NRXN1: variants seen among roughly 807,000 people sequenced by gnomAD.
NRXN1 encodes the protein neurexin 1, also known as neurexin-1.
A neutral mutation model predicts 150.9 loss-of-function variants in NRXN1; 39 were observed. The ratio of observed to expected loss-of-function variants is 0.26; its 90% CI spans 0.20 to 0.34. The LOEUF (loss-of-function observed/expected upper bound fraction) is 0.34, where lower values mean the gene tolerates loss of function less well. Ranked by LOEUF, NRXN1 falls within the 10% of genes least tolerant of loss-of-function variation. The probability of loss-of-function intolerance (pLI) is 1.00; values close to 1 mark genes in which losing one functional copy is unlikely to be tolerated. For synonymous variants in NRXN1, 924 were observed against 757.0 expected, an observed-to-expected ratio of 1.22 and a Z score of -3.62; for missense variants, 1,815 against 1,949.9, an observed-to-expected ratio of 0.93 and a Z score of 1.30.
intron 18 of NRXN1, among the ~76,000 whole-genome samples, chr2:50,102,602 T>C (rs1384765491): frequency 6.6e-6 from 1 of 152,064 alleles, no homozygotes; most frequent in Non-Finnish European, 1.5e-5. Flanking sequence ...CATTAAAACT[T>C]ACTGTAGCAT....
intron 2 of NRXN1, among the ~76,000 whole-genome samples, chr2:50,987,747 C>G (rs1199264963): frequency 2.6e-5 from 4 of 151,844 alleles, no homozygotes; most frequent in Admixed American, 2.0e-4. Flanking sequence ...GTCCATGAAT[C>G]AATAATAACT....
intron 15 of NRXN1, among the ~76,000 whole-genome samples, chr2:50,488,263 C>A (rs2091016978): frequency 6.6e-6 from 1 of 152,202 alleles, no homozygotes; most frequent in East Asian, 1.9e-4. Context: ...GTGACTCTGT[C>A]TCTTATTCCC....
chr2:50,008,899 G>A (rs1031697606), intron 21 of NRXN1, among the ~76,000 whole-genome samples: 2 of 152,092 alleles, frequency 1.3e-5, no homozygotes, highest in Non-Finnish European at 2.9e-5. Context: ...GTTTGGTTGT[G>A]AGAGGGTGTT....
intron 22 of NRXN1, among the ~76,000 whole-genome samples, chr2:49,942,435 G>C (rs768065123): frequency 6.6e-6 from 1 of 151,928 alleles, no homozygotes. Flanking sequence ...TCTAAAGAGC[G>C]GATTTACTCT....
In NRXN1 at chr2:50,546,607, C is replaced by T. The variant is rs193029094; in HGVS notation, c.1759+5980G>A. Reference sequence around the variant, plus strand: ...TTAACAAAAACTGAAGGAAAATGTACAAATATAAAAAATACTTTGAGTGTG... The same window carrying T: ...TTAACAAAAACTGAAGGAAAATGTATAAATATAAAAAATACTTTGAGTGTG... On this transcript the variant is annotated intron_variant, in intron 9 of 22. Transcript: ENST00000401669. Among the ~76,000 whole-genome samples the T allele has an allele frequency of 2.6e-5, 4 of 152,042 alleles. No individual in the cohort carries two copies. The East Asian group carries it at 7.7e-4, about 29-fold the overall frequency.
At chr2:50,018,632 G>T (rs977109568) in intron 21 of NRXN1, among the ~76,000 whole-genome samples, 3 of 152,128 alleles carry the variant, frequency 2.0e-5, no homozygotes, top group African/African-American at 7.2e-5. Flanking sequence ...ATGATACCTT[G>T]TTCTAAAATT....
Position 50,497,620 on chromosome 2 carries a change from G to A in NRXN1, c.2592C>T (p.Asn864=). 2 of 1,613,922 alleles carry A rather than the reference G, an allele frequency of 1.2e-6. No individual in the cohort carries two copies. The highest frequency in any genetic ancestry group is 1.7e-6 in the Non-Finnish European group (2 of 1,179,850). ...TCAAGCTCTGCAGGTGTCCAATGAA[G>A]TTGGAGGGGACAGAAGAAAGATACC... ...ERRYLSSVPS[N]FIGHLQSLTF... is the part of the protein sequence containing the mutation. Residue 864 remains asparagine (N), a synonymous_variant, in exon 14 of 23, where the codon AAC becomes AAT. Coordinates refer to ENST00000401669, the MANE Select transcript of NRXN1 (RefSeq NM_001330078.2).
chr2:50,941,246 C>T (rs978931507), intron 2 of NRXN1, among the ~76,000 whole-genome samples: 7 of 152,096 alleles, frequency 4.6e-5, no homozygotes, highest in Non-Finnish European at 4.4e-5. Flanking sequence ...TACCGAGTCT[C>T]GGGTAGTTCT....
chr2:50,228,165 CATT>C (rs962220233), intron 18 of NRXN1, among the ~76,000 whole-genome samples: 1 of 151,902 alleles, frequency 6.6e-6, no homozygotes, highest in East Asian at 1.9e-4. Context: ...TAATAGAAAA[CATT>C]AATAATTTAT....
chr2:50,829,280 G>A (rs1671044452), intron 5 of NRXN1, among the ~76,000 whole-genome samples: 2 of 151,770 alleles, frequency 1.3e-5, no homozygotes, highest in African/African-American at 4.8e-5. Context: ...AGAGGGAGAG[G>A]GAGAGGGAGA....
chr2:50,718,373 C>G (rs1369691045), intron 5 of NRXN1, among the ~76,000 whole-genome samples: 2 of 152,054 alleles, frequency 1.3e-5, no homozygotes, highest in Non-Finnish European at 2.9e-5. Flanking sequence ...AGGCTGGGAG[C>G]TGGGAAGGGA....
At chr2:49,981,262 G>C (rs59781568) in intron 21 of NRXN1, among the ~76,000 whole-genome samples, 74,658 of 151,784 alleles carry the variant, frequency 0.49, 18,794 homozygotes, top group Middle Eastern at 0.64. Context: ...GGACAATGCA[G>C]TTTACCAAAC....
chr2:50,144,648 ATG>A (rs1312080357), intron 18 of NRXN1, among the ~76,000 whole-genome samples: 21 of 151,890 alleles, frequency 1.4e-4, no homozygotes, highest in Admixed American at 6.6e-4. Flanking sequence ...GTATATATGT[ATG>A]TATGTATATG....
chr2:49,983,621 G>A (rs1198987605), intron 21 of NRXN1, among the ~76,000 whole-genome samples: 3 of 151,892 alleles, frequency 2.0e-5, no homozygotes, highest in Non-Finnish European at 4.4e-5. Flanking sequence ...TAGGTATTCT[G>A]GAATCAGAAA....
At chr2:50,951,963 A>ATATATATATTT (rs1387961788) in intron 2 of NRXN1, among the ~76,000 whole-genome samples, 6 of 74,818 alleles carry the variant, frequency 8.0e-5, no homozygotes, top group South Asian at 6.1e-4. Context: ...ATATATATAT[A>ATATATATATTT]TTTTTTTTTT....
chr2:50,867,905 T>C (rs1264665603), intron 5 of NRXN1, among the ~76,000 whole-genome samples: 1 of 151,820 alleles, frequency 6.6e-6, no homozygotes, highest in East Asian at 2.0e-4. Flanking sequence ...TTTTTTTCAC[T>C]GTAGAACAAG....
intron 2 of NRXN1, among the ~76,000 whole-genome samples, chr2:50,991,926 C>G (rs1698599942): frequency 1.3e-5 from 2 of 151,946 alleles, no homozygotes; most frequent in Non-Finnish European, 2.9e-5. Flanking sequence ...CCATTATTTT[C>G]TAAGCATTTT....
At chr2:50,666,842 G>T (rs1688093887) in intron 5 of NRXN1, among the ~76,000 whole-genome samples, 1 of 138,932 alleles carries the variant, frequency 7.2e-6, no homozygotes, top group South Asian at 2.3e-4. Flanking sequence ...ATAAAATAAT[G>T]ATGATGATGA....
At chr2:50,196,899 A>T (rs2061806578) in intron 18 of NRXN1, among the ~76,000 whole-genome samples, 1 of 152,086 alleles carries the variant, frequency 6.6e-6, no homozygotes, top group African/African-American at 2.4e-5. Flanking sequence ...AGACACTGAG[A>T]TCTATTTGAG....
Sources: allele counts gnomAD v4.1 joint callset (sites outside exome capture counted in the v4.1 genomes callset), GRCh38; gene constraint gnomAD v4.1.1; transcripts MANE v1.5; gene names NCBI Gene and HGNC (gene_info 2026-07-23, HGNC 2026-07-21).